FEZ2: variants seen among roughly 807,000 people sequenced by gnomAD.
FEZ2 encodes the protein fasciculation and elongation protein zeta-2.
FEZ2 carries 51 observed loss-of-function variants against 40.4 expected under a neutral mutation model. That is an observed-to-expected ratio of 1.26 (90% CI 1.01 to 1.59). FEZ2 has a LOEUF of 1.59. Among genes scored for constraint, FEZ2 ranks in the 40% most tolerant of loss-of-function variants. FEZ2 has a pLI of 0.00. For synonymous variants in FEZ2, 242 were observed against 172.0 expected, an observed-to-expected ratio of 1.41 and a Z score of -3.18; for missense variants, 640 against 438.3, an observed-to-expected ratio of 1.46 and a Z score of -4.11.
At position 36,590,981 on chromosome 2, in the gene FEZ2, C is replaced by T; in HGVS notation, c.297G>A (p.Gly99=). The part of the protein sequence containing the change: ...EIWNALTDNY[G]NVMPVDWKSS... ...ACTTCCAGTCTACAGGCATCACATT[C>T]CCATAATTATCTGTCAGGGCATTCC... is the stretch of plus-strand genomic sequence containing the variant. The change falls in exon 2 of 8, where the codon GGG becomes GGA. Residue 99 remains glycine (G), a synonymous_variant. Transcript: ENST00000405912. The T allele has an allele frequency of 2.5e-6, 4 of 1,611,220 alleles. No individual in the cohort carries two copies. The highest frequency in any genetic ancestry group is 3.4e-6 in the Non-Finnish European group (4 of 1,177,374).
intron 2 of FEZ2, 67 bp from the exon 3 acceptor site, chr2:36,583,536 G>A: frequency 2.4e-6 from 2 of 827,908 alleles, no homozygotes; most frequent in Non-Finnish European, 2.1e-6. Context: ...ACAGCTCTGA[G>A]TAAAAGAGGC....
chr2:36,560,404 A>G (rs971014617), intron 5 of FEZ2, among the ~76,000 whole-genome samples: 5 of 152,204 alleles, frequency 3.3e-5, no homozygotes, highest in Non-Finnish European at 4.4e-5. Context: ...TCTTCCCCCA[A>G]AAATGACATC....
At chr2:36,591,632 GGAGA>G (rs1312985716) in intron 1 of FEZ2, 1 of 152,314 alleles carries the variant, frequency 6.6e-6, no homozygotes, top group Non-Finnish European at 1.5e-5. Context: ...ACAACAAAAA[GGAGA>G]AAGAGAGGGA....
At chr2:36,595,856 G>C (rs116951747) in intron 1 of FEZ2, among the ~76,000 whole-genome samples, 1 of 152,122 alleles carries the variant, frequency 6.6e-6, no homozygotes, top group Non-Finnish European at 1.5e-5. Flanking sequence ...ATTAACAAGA[G>C]CGACAAAATA....
intron 4 of FEZ2, among the ~76,000 whole-genome samples, chr2:36,579,640 C>A (rs1161927612): frequency 6.6e-6 from 1 of 152,142 alleles, no homozygotes; most frequent in South Asian, 2.1e-4. Context: ...TGAGGCCCCC[C>A]CAGAAGCAGA....
intron 2 of FEZ2, among the ~76,000 whole-genome samples, chr2:36,587,600 C>A (rs889177355): frequency 5.3e-5 from 8 of 152,174 alleles, no homozygotes; most frequent in African/African-American, 1.9e-4. Context: ...TGCAATCTAG[C>A]AAACTAGTTT....
chr2:36,555,246 A>T (rs1667927436), intron 7 of FEZ2: 1 of 153,254 alleles, frequency 6.5e-6, no homozygotes. Context: ...TCCCTTTCGT[A>T]TTCCCTTTGG....
chr2:36,586,495 C>T (rs1029190963), intron 2 of FEZ2, among the ~76,000 whole-genome samples: 11 of 151,948 alleles, frequency 7.2e-5, no homozygotes, highest in African/African-American at 2.7e-4. Context: ...GGCATGATGG[C>T]ACATGCCTGT....
intron 5 of FEZ2, among the ~76,000 whole-genome samples, chr2:36,568,431 G>C (rs1323482076): frequency 2.0e-5 from 3 of 152,156 alleles, no homozygotes; most frequent in Non-Finnish European, 4.4e-5. Flanking sequence ...CAGTATATCA[G>C]AAAACCCAAT....
chr2:36,557,321 A>G (rs1382546124), intron 6 of FEZ2: 1 of 152,128 alleles, frequency 6.6e-6, no homozygotes, highest in Admixed American at 6.6e-5. Flanking sequence ...TTGATTTTTT[A>G]TTTCAGACTG....
Position 36,578,873 on chromosome 2 carries a change from CA to C in FEZ2, c.635-9del. 1 of 1,601,598 alleles carries C rather than the reference CA, an allele frequency of 6.2e-7. No homozygotes were observed. Among genetic ancestry groups the C allele is most frequent in the South Asian group, 1.1e-5 (1 of 88,364 alleles). On this transcript the variant is annotated splice_polypyrimidine_tract_variant and intron_variant, in intron 4 of 7. Coordinates refer to ENST00000405912, the MANE Select transcript of FEZ2 (RefSeq NM_005102.3). ...CTGAGAGCCTTTTCACTCCTGTGAC[CA>C]AAAGCAAAATACAGCAGATATTAAG... is the stretch of plus-strand genomic sequence containing the variant.
chr2:36,588,555 G>A (rs1188638595), intron 2 of FEZ2, among the ~76,000 whole-genome samples: 1 of 152,076 alleles, frequency 6.6e-6, no homozygotes, highest in Non-Finnish European at 1.5e-5. Context: ...AGATGCTCAA[G>A]TCCCTTATAT....
chr2:36,581,293 C>T lies in FEZ2; in HGVS notation c.631G>A (p.Glu211Lys), dbSNP rs1002326059. 1.9e-6 allele frequency: 3 copies of T among 1,613,808 alleles called. No homozygotes were observed. Among genetic ancestry groups the T allele is most frequent in the Non-Finnish European group, 1.7e-6 (2 of 1,179,724 alleles). ...LKRSSTGSYE[E>K]RVKRLSVSEL... ...TGATTTCAGCAGGCTCCCTTACTCT[C>T]TTCATAACTGCCGGTACTAGACCTC... Residue 211 changes from glutamate (E) to lysine (K), a missense_variant, in exon 4 of 8, where the codon GAG becomes AAG. Glu to Lys is a moderately conservative substitution (Grantham distance 56). Transcript: ENST00000405912.
At chr2:36,581,668 C>A (rs1373838014) in intron 3 of FEZ2, 2 of 426,610 alleles carry the variant, frequency 4.7e-6, no homozygotes, top group African/African-American at 2.0e-5. Flanking sequence ...GGATTTACTA[C>A]GTCCATCATG....
intron 5 of FEZ2, among the ~76,000 whole-genome samples, chr2:36,572,257 C>A (rs945483929): frequency 6.6e-6 from 1 of 152,174 alleles, no homozygotes; most frequent in African/African-American, 2.4e-5. Flanking sequence ...GAAGCTGCCA[C>A]ACGTAGCTTG....
chr2:36,562,290 G>C (rs1668114645), intron 5 of FEZ2, among the ~76,000 whole-genome samples: 1 of 151,886 alleles, frequency 6.6e-6, no homozygotes, highest in African/African-American at 2.4e-5. Flanking sequence ...TTTGTAACAT[G>C]GCTAATATTA....
At chr2:36,568,610 C>CT (rs751695274) in intron 5 of FEZ2, among the ~76,000 whole-genome samples, 34 of 152,294 alleles carry the variant, frequency 2.2e-4, no homozygotes, top group Non-Finnish European at 5.0e-4. Flanking sequence ...AAAATGCCCC[C>CT]TCTCAGGATG....
At chr2:36,597,802 G>A in intron 1 of FEZ2, 75 bp downstream of exon 1, 2 of 993,004 alleles carry the variant, frequency 2.0e-6, no homozygotes, top group Non-Finnish European at 1.2e-6. Context: ...GGGAGGAGCT[G>A]CGGCCGTAGG....
intron 1 of FEZ2, among the ~76,000 whole-genome samples, chr2:36,596,276 A>G (rs940594785): frequency 1.3e-5 from 2 of 152,316 alleles, no homozygotes; most frequent in South Asian, 4.1e-4. Context: ...CCCCACTCCC[A>G]AGGCTGTCTT....
Sources: allele counts gnomAD v4.1 joint callset (sites outside exome capture counted in the v4.1 genomes callset), GRCh38; gene constraint gnomAD v4.1.1; transcripts MANE v1.5; gene names NCBI Gene and HGNC (gene_info 2026-07-23, HGNC 2026-07-21).